The following KCNIP4 variants were observed in gnomAD, a reference collection of about 807,000 sequenced individuals.
The protein encoded by KCNIP4 is Kv channel-interacting protein 4.
In KCNIP4, 12 loss-of-function variants were observed where a neutral mutation model predicts 34.0. That is an observed-to-expected ratio of 0.35 (90% CI 0.23 to 0.57). The LOEUF (loss-of-function observed/expected upper bound fraction) is 0.57. Ranked by LOEUF, KCNIP4 falls within the 20% of genes least tolerant of loss-of-function variation. The pLI is 0.83. For synonymous variants in KCNIP4, 124 were observed against 102.2 expected, an observed-to-expected ratio of 1.21 and a Z score of -1.29; for missense variants, 238 against 311.7, an observed-to-expected ratio of 0.76 and a Z score of 1.78.
chr4:20,997,875 T>C (rs1045938725), intron 1 of KCNIP4, among the ~76,000 whole-genome samples: 3 of 152,200 alleles, frequency 2.0e-5, no homozygotes, highest in African/African-American at 7.2e-5. Flanking sequence ...GCCATACAGC[T>C]GCTTCAAGTC....
chr4:21,200,449 T>C (rs1387212093), intron 1 of KCNIP4, among the ~76,000 whole-genome samples: 5 of 150,778 alleles, frequency 3.3e-5, no homozygotes, highest in Non-Finnish European at 7.4e-5. Flanking sequence ...CATGGGATAC[T>C]ACACAGCCAT....
intron 1 of KCNIP4, among the ~76,000 whole-genome samples, chr4:21,452,445 C>T (rs1303595779): frequency 1.3e-5 from 2 of 152,034 alleles, no homozygotes; most frequent in Non-Finnish European, 2.9e-5. Context: ...GCTCTGTCAT[C>T]ACACTGCTTT....
chr4:20,882,591 C>G lies in KCNIP4; in HGVS notation c.163+17G>C. The G allele has an allele frequency of 6.5e-7, 1 of 1,549,326 alleles. No individual in the cohort carries two copies. The highest frequency in any genetic ancestry group is 1.1e-5 in the South Asian group (1 of 87,964). On this transcript the variant is annotated intron_variant, in intron 2 of 8. Transcript: ENST00000382152. ...AAGAGTTTCGGAGGAAAAAAAAAAA[C>G]AAAAAAACAAACTTGCTTTGAATAG...
intron 1 of KCNIP4, among the ~76,000 whole-genome samples, chr4:21,024,823 T>C (rs1322051086): frequency 6.6e-6 from 1 of 152,212 alleles, no homozygotes; most frequent in East Asian, 1.9e-4. Context: ...AGAAAATAAT[T>C]CTATCTCAAA....
In KCNIP4 at chr4:21,818,878, CT is replaced by C. The variant is rs530144991; in HGVS notation, c.61+129692del. 4.6e-5 allele frequency among the ~76,000 whole-genome samples: 7 copies of C among 151,040 alleles called. 1 individual carries two copies. The highest frequency in any genetic ancestry group is 4.2e-4 in the South Asian group (2 of 4,776). ...CAAAACAAAACAAAACAACAAAACACTTTTTTTTCTACAAGTAGAGTAGTAG... is the reference window on the plus strand; with the variant it reads ...CAAAACAAAACAAAACAACAAAACACTTTTTTTCTACAAGTAGAGTAGTAG... On this transcript the variant is annotated intron_variant, in intron 1 of 8. Coordinates refer to ENST00000382152, the MANE Select transcript of KCNIP4 (RefSeq NM_025221.6).
rs937201885 is a variant in KCNIP4 at position 21,380,273 on chromosome 4, A to G, written c.62-497564T>C. On this transcript the variant is annotated intron_variant, in intron 1 of 8. Transcript: ENST00000382152. Reference sequence around the variant, plus strand: ...AAGATAATACTATGTAAATATTGCCATATTTGATTAGCCAATGTAAGATTT... The same window carrying G: ...AAGATAATACTATGTAAATATTGCCGTATTTGATTAGCCAATGTAAGATTT... Among the ~76,000 whole-genome samples, 49 of 152,234 alleles carry G rather than the reference A, an allele frequency of 3.2e-4. 1 individual carries two copies. Among genetic ancestry groups the G allele is most frequent in the Admixed American group, 3.1e-3 (47 of 15,280 alleles).
chr4:20,979,645 G>A (rs879906051), intron 1 of KCNIP4, among the ~76,000 whole-genome samples: 12 of 151,760 alleles, frequency 7.9e-5, no homozygotes, highest in Non-Finnish European at 1.5e-4. Flanking sequence ...TGATCCACCC[G>A]CCTCGGCCTC....
chr4:20,750,261 G>A (rs553549570), intron 4 of KCNIP4, among the ~76,000 whole-genome samples: 3 of 152,304 alleles, frequency 2.0e-5, no homozygotes, highest in Admixed American at 1.3e-4. Context: ...TCTGGGACAT[G>A]AACTTAGGTC....
At chr4:20,838,805 T>G (rs1271629339) in intron 3 of KCNIP4, among the ~76,000 whole-genome samples, 1 of 152,172 alleles carries the variant, frequency 6.6e-6, no homozygotes, top group Admixed American at 6.6e-5. Context: ...AAATGGGAGC[T>G]TTCTTATAGG....
At chr4:21,490,655 C>G (rs529838924) in intron 1 of KCNIP4, among the ~76,000 whole-genome samples, 1 of 152,142 alleles carries the variant, frequency 6.6e-6, no homozygotes, top group African/African-American at 2.4e-5. Context: ...CAGAAGTGCA[C>G]ACTATTCATT....
intron 2 of KCNIP4, among the ~76,000 whole-genome samples, chr4:20,875,007 C>G (rs1416192155): frequency 1.3e-5 from 2 of 151,964 alleles, no homozygotes; most frequent in Non-Finnish European, 2.9e-5. Flanking sequence ...AGAAATAATG[C>G]CGTCTCAATG....
At chr4:21,260,240 G>A (rs1358917334) in intron 1 of KCNIP4, among the ~76,000 whole-genome samples, 1 of 152,058 alleles carries the variant, frequency 6.6e-6, no homozygotes, top group East Asian at 1.9e-4. Context: ...AACATTCTGG[G>A]CTTTTAATGT....
chr4:20,921,685 T>C (rs1398461939), intron 1 of KCNIP4, among the ~76,000 whole-genome samples: 2 of 152,364 alleles, frequency 1.3e-5, no homozygotes, highest in East Asian at 3.9e-4. Flanking sequence ...AAAACTGTGA[T>C]TGCAAATAAA....
chr4:21,394,403 T>C (rs896655555), intron 1 of KCNIP4, among the ~76,000 whole-genome samples: 1 of 152,132 alleles, frequency 6.6e-6, no homozygotes, highest in Non-Finnish European at 1.5e-5. Flanking sequence ...GACCCAGAAC[T>C]GACCAATCAG....
At chr4:21,867,751 C>T (rs1487990775) in intron 1 of KCNIP4, among the ~76,000 whole-genome samples, 3 of 152,172 alleles carry the variant, frequency 2.0e-5, no homozygotes, top group Non-Finnish European at 4.4e-5. Flanking sequence ...TTACAGGAAT[C>T]CCTCAAATTT....
chr4:21,104,332 C>A (rs139184666), intron 1 of KCNIP4, among the ~76,000 whole-genome samples: 21,774 of 152,078 alleles, frequency 0.14, 2,048 homozygotes, highest in African/African-American at 0.26. Flanking sequence ...ATTTGCATTT[C>A]TCTCATGGCC....
intron 1 of KCNIP4, among the ~76,000 whole-genome samples, chr4:21,928,648 T>C (rs1729399585): frequency 6.6e-6 from 1 of 152,168 alleles, no homozygotes; most frequent in Non-Finnish European, 1.5e-5. Flanking sequence ...AGTGTATGTC[T>C]GACTCTTGCA....
intron 1 of KCNIP4, among the ~76,000 whole-genome samples, chr4:21,203,696 C>T (rs1389822260): frequency 6.6e-6 from 1 of 152,210 alleles, no homozygotes. Flanking sequence ...AGTAATCACA[C>T]ATCCTTCTAA....
intron 1 of KCNIP4, among the ~76,000 whole-genome samples, chr4:21,306,064 C>A (rs530455427): frequency 1.3e-5 from 2 of 152,144 alleles, no homozygotes; most frequent in Non-Finnish European, 2.9e-5. Context: ...TAAAAGTCAT[C>A]AATGATTAGG....
Sources: gnomAD v4.1 joint callset for allele counts (sites outside exome capture counted in the v4.1 genomes callset) on GRCh38, gnomAD v4.1.1 for gene constraint, MANE v1.5 for transcripts, NCBI Gene and HGNC (gene_info 2026-07-23, HGNC 2026-07-21) for gene names.